DPH6: variants seen among roughly 807,000 people sequenced by gnomAD.
DPH6 encodes diphthine--ammonia ligase.
A neutral mutation model predicts 38.2 loss-of-function variants in DPH6; 33 were observed. The observed-to-expected ratio is 0.86, with a 90% CI of 0.65 to 1.15. The LOEUF is 1.15. Among genes scored for constraint, DPH6 ranks in the 50% most tolerant of loss-of-function variants. The probability of loss-of-function intolerance (pLI) is 0.00; values close to 1 mark genes in which losing one functional copy is unlikely to be tolerated. For missense variants in DPH6, 325 were observed against 320.0 expected (o/e 1.02, Z -0.12); for synonymous variants, 108 against 103.0 (o/e 1.05, Z -0.30).
chr15:35,527,161 T>C (rs1175444724), intron 3 of DPH6, among the ~76,000 whole-genome samples: 2 of 152,108 alleles, frequency 1.3e-5, no homozygotes, highest in African/African-American at 4.8e-5. Flanking sequence ...CACTTAATAT[T>C]AATATACTAA....
intron 6 of DPH6, 64 bp downstream of exon 6, chr15:35,410,771 T>C (rs1419953039): frequency 7.5e-7 from 1 of 1,332,580 alleles, no homozygotes; most frequent in African/African-American, 1.5e-5. Context: ...AATCATTGTA[T>C]CACAGCATTA....
chr15:35,236,919 C>CTATTTTTGTTCCTAGTCGATAGA (rs2051556424), intron 3 of DPH6, among the ~76,000 whole-genome samples: 3 of 152,226 alleles, frequency 2.0e-5, no homozygotes, highest in African/African-American at 7.2e-5. Context: ...TTAATAAACA[C>CTATTTTTGTTCCTAGTCGATAGA]TATTTTTGTT....
intron 3 of DPH6, among the ~76,000 whole-genome samples, chr15:35,498,415 G>T (rs895670293): frequency 2.6e-5 from 4 of 152,034 alleles, no homozygotes; most frequent in Non-Finnish European, 4.4e-5. Context: ...GAAAAATAAA[G>T]AATTCTCTTG....
At chr15:35,331,450 ATT>A in intron 3 of DPH6, among the ~76,000 whole-genome samples, 1 of 152,344 alleles carries the variant, frequency 6.6e-6, no homozygotes, top group South Asian at 2.1e-4. Context: ...GGCTAAAAAG[ATT>A]TTTAGAGTAC....
intron 3 of DPH6, among the ~76,000 whole-genome samples, chr15:35,288,026 C>T (rs2051955083): frequency 6.6e-6 from 1 of 152,190 alleles, no homozygotes; most frequent in South Asian, 2.1e-4. Flanking sequence ...TCTTGCAATG[C>T]TATGCTGAAT....
chr15:35,498,699 CA>C (rs1225508177), intron 3 of DPH6, among the ~76,000 whole-genome samples: 3 of 152,072 alleles, frequency 2.0e-5, no homozygotes, highest in African/African-American at 7.2e-5. Context: ...TTCACAATGC[CA>C]AGTCTAATTA....
chr15:35,418,896 TTCTCA>T (rs2053468991), intron 5 of DPH6, among the ~76,000 whole-genome samples: 1 of 152,078 alleles, frequency 6.6e-6, no homozygotes, highest in African/African-American at 2.4e-5. Context: ...GTGAATTGTG[TTCTCA>T]TCTCAACCTT....
chr15:35,436,069 G>T (rs1006816228), intron 5 of DPH6, among the ~76,000 whole-genome samples: 1 of 151,918 alleles, frequency 6.6e-6, no homozygotes, highest in Non-Finnish European at 1.5e-5. Flanking sequence ...AGTCTCAGGG[G>T]CCAGAGGCCC....
intron 3 of DPH6, among the ~76,000 whole-genome samples, chr15:35,278,383 G>C (rs948512436): frequency 3.3e-5 from 5 of 152,228 alleles, no homozygotes; most frequent in African/African-American, 1.2e-4. Flanking sequence ...AAGGAGACTT[G>C]GCAGCTTCTG....
intron 3 of DPH6, among the ~76,000 whole-genome samples, chr15:35,294,773 A>G (rs2052003900): frequency 6.6e-6 from 1 of 152,208 alleles, no homozygotes; most frequent in African/African-American, 2.4e-5. Flanking sequence ...GACATATGAG[A>G]TAAAGGTGAG....
chr15:35,305,057 T>C (rs1191987028), intron 3 of DPH6, among the ~76,000 whole-genome samples: 1 of 152,104 alleles, frequency 6.6e-6, no homozygotes, highest in Non-Finnish European at 1.5e-5. Context: ...GAATACAACA[T>C]GGAATTTTTA....
intron 3 of DPH6, among the ~76,000 whole-genome samples, chr15:35,240,628 T>C (rs1340182635): frequency 2.1e-5 from 3 of 143,620 alleles, no homozygotes; most frequent in Non-Finnish European, 4.6e-5. Flanking sequence ...GCCAAAGGCA[T>C]AGTCAGGGTT....
At chr15:35,470,416 C>T (rs967916881) in intron 3 of DPH6, among the ~76,000 whole-genome samples, 9 of 152,184 alleles carry the variant, frequency 5.9e-5, no homozygotes, top group African/African-American at 2.2e-4. Flanking sequence ...TTGGTCATTA[C>T]TGACCTTGAC....
chr15:35,416,855 C>T (rs2053442568), intron 5 of DPH6, among the ~76,000 whole-genome samples: 1 of 152,010 alleles, frequency 6.6e-6, no homozygotes, highest in African/African-American at 2.4e-5. Context: ...TTCCAGCTAC[C>T]GTCCTTGCAA....
At chr15:35,157,702 T>C in the DPH6 span, among the ~76,000 whole-genome samples, 1 of 152,128 alleles carries the variant, frequency 6.6e-6, no homozygotes, top group African/African-American at 2.4e-5. Context: ...TGGATGCTCC[T>C]ACTGCATTCC....
At chr15:35,363,028 A>G (rs1169728751) in intron 3 of DPH6, among the ~76,000 whole-genome samples, 1 of 152,122 alleles carries the variant, frequency 6.6e-6, no homozygotes, top group African/African-American at 2.4e-5. Flanking sequence ...TTTCATTCCT[A>G]TGACATTTGT....
chr15:35,454,034 A>G (rs1363653078), intron 4 of DPH6, among the ~76,000 whole-genome samples: 1 of 152,104 alleles, frequency 6.6e-6, no homozygotes, highest in Admixed American at 6.5e-5. Context: ...ATAAAATATT[A>G]TATTTATCTA....
chr15:35,278,890 A>C (rs1266706099), intron 3 of DPH6, among the ~76,000 whole-genome samples: 1 of 151,908 alleles, frequency 6.6e-6, no homozygotes, highest in African/African-American at 2.4e-5. Context: ...TCTACTAAAA[A>C]TACAAAAAAT....
rs117234962 is a variant in DPH6, at chr15:35,226,059, C to T, written n.201-5477G>A. ...TCCAGGCTTCTGAAGCCATAGTGTG[C>T]GATGACAATGCCTGTGAATAGTCAC... On this transcript the variant is annotated intron_variant and non_coding_transcript_variant, in intron 3 of 3. Transcript: ENST00000560386. 6.0e-3 allele frequency among the ~76,000 whole-genome samples: 916 copies of T among 151,978 alleles called. 17 individuals carry two copies. The highest frequency in any genetic ancestry group is 0.058 in the East Asian group (301 of 5,180).
Sources: gnomAD v4.1 joint callset for allele counts (sites outside exome capture counted in the v4.1 genomes callset) on GRCh38, gnomAD v4.1.1 for gene constraint, MANE v1.5 for transcripts, NCBI Gene and HGNC (gene_info 2026-07-23, HGNC 2026-07-21) for gene names.